Variants in CTBP2 observed in about 807,000 individuals in gnomAD.
CTBP2 encodes the protein C-terminal-binding protein 2.
In CTBP2, 30 loss-of-function variants were observed where a neutral mutation model predicts 80.3. The ratio of observed to expected loss-of-function variants is 0.37; its 90% confidence interval spans 0.28 to 0.51. The LOEUF is 0.51. Ranked by LOEUF, CTBP2 falls within the 20% of genes least tolerant of loss-of-function variation. CTBP2 has a pLI of 0.93. For synonymous variants in CTBP2, 594 were observed against 587.4 expected, an observed-to-expected ratio of 1.01 and a Z score of -0.16; for missense variants, 1,212 against 1,375.3, an observed-to-expected ratio of 0.88 and a Z score of 1.88.
upstream of CTBP2, chr10:125,028,117 A>C: frequency 9.2e-6 from 2 of 218,002 alleles, no homozygotes; most frequent in Non-Finnish European, 1.8e-5. Context: ...AGCTAAATAA[A>C]ACCCTAAAGC....
intron 1 of CTBP2, among the ~76,000 whole-genome samples, chr10:125,150,671 T>C (rs1227097337): frequency 6.6e-6 from 1 of 150,862 alleles, no homozygotes; most frequent in African/African-American, 2.4e-5. Context: ...GACAGCGCTG[T>C]GCTTGGCCAG....
chr10:125,160,278 G>GGGCGGC (rs899854188), intron 1 of CTBP2, 41 bp downstream of exon 1: 2 of 151,930 alleles, frequency 1.3e-5, no homozygotes, highest in Non-Finnish European at 2.9e-5. Context: ...GGTGAGGCGG[G>GGGCGGC]GGCGGCGGCG....
rs186282700 is a variant in CTBP2, at chr10:125,118,925, C to A, written c.-205-7832G>T. Among the ~76,000 whole-genome samples, 27 of 152,350 alleles carry A rather than the reference C, an allele frequency of 1.8e-4. No individual in the cohort carries two copies. The East Asian group carries it at 4.6e-3, about 26-fold the overall frequency. On this transcript the variant is annotated intron_variant, in intron 1 of 10. Coordinates refer to the CTBP2 transcript ENST00000337195. ...GCGGCTGCTGGTGGAGGTGCACACACCCCTGTGAGATGGTCAGGAACCTGC... is the reference window on the plus strand; with the variant it reads ...GCGGCTGCTGGTGGAGGTGCACACAACCCTGTGAGATGGTCAGGAACCTGC...
At chr10:125,029,039 A>C (rs903302867), upstream of CTBP2, among the ~76,000 whole-genome samples, 3 of 152,200 alleles carry the variant, frequency 2.0e-5, no homozygotes, top group African/African-American at 2.4e-5. Context: ...TCCCATGACA[A>C]AGAATTCATA....
intron 1 of CTBP2, among the ~76,000 whole-genome samples, chr10:125,019,740 C>T (rs978629386): frequency 2.0e-5 from 3 of 152,204 alleles, no homozygotes; most frequent in Non-Finnish European, 4.4e-5. Context: ...CTTCATGACC[C>T]TCGATTAAGC....
intron 1 of CTBP2, among the ~76,000 whole-genome samples, chr10:125,006,535 C>T (rs543633913): frequency 2.0e-5 from 3 of 152,354 alleles, no homozygotes; most frequent in African/African-American, 7.2e-5. Flanking sequence ...GCCTAGCAGC[C>T]GCTGCCCTAC....
chr10:125,027,298 CCG>C lies in CTBP2; in HGVS notation c.460_461del (p.Arg154ValfsTer17). 6.2e-7 allele frequency: 1 copy of C among 1,613,774 alleles called. No individual in the cohort carries two copies. Among genetic ancestry groups the C allele is most frequent in the Non-Finnish European group, 8.5e-7 (1 of 1,179,980 alleles). ...GACCGGCGTCCTGCAGGGCAGGTGA[CCG>C]GCCTTGCATTGGATCCCATGACGTT... On this transcript the variant is annotated frameshift_variant, in exon 1 of 9. Coordinates refer to ENST00000309035, the MANE Select transcript of CTBP2 (RefSeq NM_022802.3). LOFTEE classifies it high-confidence loss of function.
At chr10:125,136,359 G>A (rs1027137709) in intron 1 of CTBP2, among the ~76,000 whole-genome samples, 2 of 152,214 alleles carry the variant, frequency 1.3e-5, no homozygotes, top group African/African-American at 4.8e-5. Context: ...GGCTCACCCA[G>A]CTTGATCGCC....
intron 1 of CTBP2, among the ~76,000 whole-genome samples, chr10:125,007,655 T>C (rs530967626): frequency 6.6e-6 from 1 of 152,262 alleles, no homozygotes; most frequent in South Asian, 2.1e-4. Flanking sequence ...GCAAGGCAAA[T>C]GGGATGTTCC....
chr10:125,018,115 C>T (rs1216682370), intron 1 of CTBP2, among the ~76,000 whole-genome samples: 1 of 152,244 alleles, frequency 6.6e-6, no homozygotes, highest in African/African-American at 2.4e-5. Flanking sequence ...ATCATCATGG[C>T]ATGGGCCACC....
chr10:125,136,102 G>A (rs1282249744), intron 1 of CTBP2, among the ~76,000 whole-genome samples: 3 of 152,220 alleles, frequency 2.0e-5, no homozygotes, highest in Admixed American at 6.5e-5. Context: ...CAGAACCTGG[G>A]GGTAGGATTA....
intron 2 of CTBP2, among the ~76,000 whole-genome samples, chr10:125,109,756 T>C (rs1467969632): frequency 1.3e-5 from 2 of 152,216 alleles, no homozygotes; most frequent in African/African-American, 2.4e-5. Flanking sequence ...CTACATCAAA[T>C]TCAAGCTTAA....
intron 2 of CTBP2, among the ~76,000 whole-genome samples, chr10:125,079,509 A>G (rs1474113300): frequency 6.6e-6 from 1 of 152,264 alleles, no homozygotes; most frequent in African/African-American, 2.4e-5. Flanking sequence ...GGTTGGTTTC[A>G]ATAAGATATG....
chr10:125,113,032 A>C (rs1026535326), intron 1 of CTBP2, among the ~76,000 whole-genome samples: 1 of 152,204 alleles, frequency 6.6e-6, no homozygotes, highest in Non-Finnish European at 1.5e-5. Flanking sequence ...AGAACTACTC[A>C]GGAAAAGCAT....
intron 1 of CTBP2, among the ~76,000 whole-genome samples, chr10:125,138,666 TAAAAAAAAA>T (rs77530093): frequency 8.0e-6 from 1 of 124,676 alleles, no homozygotes; most frequent in Non-Finnish European, 1.8e-5. Flanking sequence ...GCCAAATGGT[TAAAAAAAAA>T]AAAAAAAACA....
intron 3 of CTBP2, chr10:124,999,270 G>C (rs1954094501): frequency 6.6e-6 from 1 of 152,194 alleles, no homozygotes; most frequent in Non-Finnish European, 1.5e-5. Flanking sequence ...CCAGCTTTGG[G>C]ACCCTTAGGA....
At chr10:124,991,449 T>C (rs145595001) in intron 8 of CTBP2, among the ~76,000 whole-genome samples, 123 of 152,300 alleles carry the variant, frequency 8.1e-4, no homozygotes, top group Non-Finnish European at 1.5e-3. Flanking sequence ...GGTGCTGTGA[T>C]AGGCTCAAAA....
At chr10:125,144,533 A>T (rs1858401829) in intron 1 of CTBP2, among the ~76,000 whole-genome samples, 1 of 152,250 alleles carries the variant, frequency 6.6e-6, no homozygotes, top group Non-Finnish European at 1.5e-5. Flanking sequence ...CCCGATCAAG[A>T]TAAAAAGGAT....
At chr10:125,122,929 G>T (rs1330537885) in intron 1 of CTBP2, 1 of 152,178 alleles carries the variant, frequency 6.6e-6, no homozygotes, top group Non-Finnish European at 1.5e-5. Context: ...ACAACAACTT[G>T]AATGAATCTC....
Sources: allele counts gnomAD v4.1 joint callset (sites outside exome capture counted in the v4.1 genomes callset), GRCh38; gene constraint gnomAD v4.1.1; transcripts MANE v1.5; gene names NCBI Gene and HGNC (gene_info 2026-07-23, HGNC 2026-07-21).